The following JAZF1 variants were observed in gnomAD, a reference collection of about 807,000 sequenced individuals.
JAZF1 encodes the protein juxtaposed with another zinc finger protein 1.
In JAZF1, 8 loss-of-function variants were observed where a neutral mutation model predicts 26.4. The observed-to-expected ratio is 0.30, with a 90% CI of 0.18 to 0.55. The LOEUF is 0.55. Ranked by LOEUF, JAZF1 falls within the 20% of genes least tolerant of loss-of-function variation. The pLI is 0.94. For synonymous variants in JAZF1, 126 were observed against 122.3 expected (o/e 1.03, Z -0.20); for missense variants, 199 against 322.0 (o/e 0.62, Z 2.92).
At chr7:27,922,072 G>A (rs1028558950) in intron 2 of JAZF1, among the ~76,000 whole-genome samples, 1 of 151,926 alleles carries the variant, frequency 6.6e-6, no homozygotes, top group African/African-American at 2.4e-5. Context: ...ATTTTTACAG[G>A]GCATTTTATA....
At chr7:28,170,944 A>C (rs1783460003) in intron 1 of JAZF1, among the ~76,000 whole-genome samples, 4 of 152,204 alleles carry the variant, frequency 2.6e-5, no homozygotes, top group Admixed American at 2.6e-4. Context: ...CTAACACTGC[A>C]TAATGCATAT....
intron 1 of JAZF1, among the ~76,000 whole-genome samples, chr7:28,089,049 C>T (rs1583553731): frequency 6.6e-6 from 1 of 152,190 alleles, no homozygotes; most frequent in East Asian, 1.9e-4. Context: ...CATTTGGATA[C>T]ACTTGGTCAT....
chr7:28,066,602 C>CAAAAAA (rs911062551), intron 1 of JAZF1, among the ~76,000 whole-genome samples: 29 of 31,500 alleles, frequency 9.2e-4, no homozygotes, highest in Non-Finnish European at 1.2e-3. Context: ...GACTCCATCT[C>CAAAAAA]AAAAAAAAAA....
At chr7:28,041,455 T>C (rs1020858854) in intron 1 of JAZF1, among the ~76,000 whole-genome samples, 1 of 152,200 alleles carries the variant, frequency 6.6e-6, no homozygotes. Context: ...ACTAGACATC[T>C]TGCTATGCAA....
At chr7:27,943,493 A>C (rs1033418846) in intron 2 of JAZF1, among the ~76,000 whole-genome samples, 2 of 152,210 alleles carry the variant, frequency 1.3e-5, no homozygotes, top group African/African-American at 2.4e-5. Flanking sequence ...TTCCGTCTGA[A>C]ATAACGTGCT....
chr7:27,990,941 T>C (rs1234166506), intron 2 of JAZF1, among the ~76,000 whole-genome samples: 1 of 152,242 alleles, frequency 6.6e-6, no homozygotes, highest in Non-Finnish European at 1.5e-5. Flanking sequence ...AATAGATGTT[T>C]ATGTCAATAA....
At chr7:27,933,505 T>C (rs768905798) in intron 2 of JAZF1, among the ~76,000 whole-genome samples, 19 of 152,366 alleles carry the variant, frequency 1.2e-4, no homozygotes, top group Non-Finnish European at 1.9e-4. Context: ...TTTGTGTTTT[T>C]GAAAAGGTGC....
chr7:28,080,696 T>C (rs908344668), intron 1 of JAZF1, among the ~76,000 whole-genome samples: 3 of 152,214 alleles, frequency 2.0e-5, no homozygotes, highest in Non-Finnish European at 4.4e-5. Context: ...AGGAAGGACC[T>C]GTTGATAGAG....
At chr7:28,024,126 A>T (rs1417874563) in intron 1 of JAZF1, among the ~76,000 whole-genome samples, 1 of 151,938 alleles carries the variant, frequency 6.6e-6, no homozygotes, top group Non-Finnish European at 1.5e-5. Context: ...CTCTAAAAAA[A>T]AAAAATAAAA....
At chr7:27,880,750 A>G (rs532097098) in intron 3 of JAZF1, among the ~76,000 whole-genome samples, 23 of 152,240 alleles carry the variant, frequency 1.5e-4, no homozygotes, top group Middle Eastern at 3.4e-3. Context: ...CTGCAGCCTC[A>G]ATCTCCCAGG....
chr7:28,034,068 A>C (rs1399302507), intron 1 of JAZF1, among the ~76,000 whole-genome samples: 1 of 152,156 alleles, frequency 6.6e-6, no homozygotes, highest in Non-Finnish European at 1.5e-5. Context: ...TTCTCAAATC[A>C]GTTAGTCCTG....
intron 2 of JAZF1, among the ~76,000 whole-genome samples, chr7:27,961,987 C>A (rs995798560): frequency 6.6e-6 from 1 of 152,100 alleles, no homozygotes. Context: ...TGGTGAGTAA[C>A]CTTTTTGAGC....
At chr7:27,842,765 G>C (rs1284019930) in intron 3 of JAZF1, 1 of 152,178 alleles carries the variant, frequency 6.6e-6, no homozygotes, top group Non-Finnish European at 1.5e-5. Context: ...TTGCTTGTTA[G>C]AAAACTATAA....
intron 1 of JAZF1, among the ~76,000 whole-genome samples, chr7:28,093,125 G>C (rs1784329516): frequency 6.6e-6 from 1 of 152,094 alleles, no homozygotes; most frequent in Non-Finnish European, 1.5e-5. Flanking sequence ...CCATTAATTA[G>C]CATCTGTGAA....
chr7:28,134,378 G>A (rs1379569330), intron 1 of JAZF1, among the ~76,000 whole-genome samples: 1 of 152,014 alleles, frequency 6.6e-6, no homozygotes, highest in Non-Finnish European at 1.5e-5. Context: ...ACAGTTCACT[G>A]CAGCCTCCAT....
intron 2 of JAZF1, among the ~76,000 whole-genome samples, chr7:27,947,213 T>G (rs1196981423): frequency 1.3e-5 from 2 of 152,246 alleles, no homozygotes; most frequent in Non-Finnish European, 2.9e-5. Context: ...AGAGTCTACG[T>G]TTTTGTTCCT....
intron 1 of JAZF1, among the ~76,000 whole-genome samples, chr7:28,035,340 A>AAAAAAG (rs1562565710): frequency 6.9e-6 from 1 of 145,318 alleles, no homozygotes; most frequent in African/African-American, 2.5e-5. Flanking sequence ...AAAAAAAAAA[A>AAAAAAG]AAAGAAAGAA....
chr7:28,067,773 A>G (rs968922257), intron 1 of JAZF1, among the ~76,000 whole-genome samples: 57 of 152,328 alleles, frequency 3.7e-4, no homozygotes, highest in African/African-American at 1.3e-3. Context: ...GCTCAAACCA[A>G]TCTTCAAACT....
intron 1 of JAZF1, among the ~76,000 whole-genome samples, chr7:28,000,757 T>G (rs574519866): frequency 6.6e-6 from 1 of 151,886 alleles, no homozygotes; most frequent in East Asian, 2.0e-4. Context: ...TAGCTGGGAT[T>G]ACAGGCATCC....
Sources: allele counts gnomAD v4.1 joint callset (sites outside exome capture counted in the v4.1 genomes callset), GRCh38; gene constraint gnomAD v4.1.1; transcripts MANE v1.5; gene names NCBI Gene and HGNC (gene_info 2026-07-23, HGNC 2026-07-21).